The following BRD8 variants were observed in gnomAD, a reference collection of about 807,000 sequenced individuals.
BRD8 encodes the protein bromodomain containing 8.
In BRD8, 67 loss-of-function variants were observed where a neutral mutation model predicts 143.1. The observed-to-expected ratio is 0.47, with a 90% CI of 0.38 to 0.57. The LOEUF (loss-of-function observed/expected upper bound fraction) is 0.57. Among genes scored for constraint, BRD8 ranks in the 20% least tolerant of loss-of-function variants. The pLI is 0.00. For synonymous variants in BRD8, 505 were observed against 517.1 expected, an observed-to-expected ratio of 0.98 and a Z score of 0.32; for missense variants, 1,103 against 1,503.0, an observed-to-expected ratio of 0.73 and a Z score of 4.40.
chr5:138,176,667 T>C (rs995044919), intron 2 of BRD8, among the ~76,000 whole-genome samples: 5 of 152,242 alleles, frequency 3.3e-5, no homozygotes, highest in Non-Finnish European at 7.4e-5. Flanking sequence ...GTAAGGGGTT[T>C]TTCTTAGAAT....
At position 138,177,482 on chromosome 5, in the gene BRD8, T is replaced by A. The variant is rs976066389; in HGVS notation, c.116+89A>T. 35 of 801,374 alleles carry A rather than the reference T, an allele frequency of 4.4e-5. No individual in the cohort carries two copies. The African/African-American group carries it at 5.4e-4, about 12-fold the overall frequency. 49.6% of individuals were successfully genotyped at this position (801,374 alleles called of 1,614,324 possible). ...AAGAAAAGAAAGTCTACTTACAGCT[T>A]AATATGATTAACTATAGAAATCTAC... On this transcript the variant is annotated intron_variant, in intron 2 of 26. Transcript: ENST00000254900.
chr5:138,159,473 G>T lies in BRD8; in HGVS notation c.2577+82C>A, dbSNP rs1259802559. The T allele has an allele frequency of 5.5e-6, 8 of 1,446,934 alleles. No individual in the cohort carries two copies. The Admixed American group carries it at 1.3e-4, about 24-fold the overall frequency. 89.6% of individuals were successfully genotyped at this position (1,446,934 alleles called of 1,614,324 possible). The stretch of plus-strand genomic sequence containing the variant: ...AAGACACTGCCACAGTCTGCATGTT[G>T]GATTTCCCTCTGCCACCCACCCCCA... On this transcript the variant is annotated intron_variant, in intron 20 of 26. Transcript: ENST00000254900.
At chr5:138,152,103 G>A (rs989977575) in intron 21 of BRD8, among the ~76,000 whole-genome samples, 8 of 152,076 alleles carry the variant, frequency 5.3e-5, no homozygotes, top group South Asian at 2.1e-4. Flanking sequence ...TGATCCGCCC[G>A]CCTCGGCCTC....
chr5:138,140,468 C>T (rs958323091), intron 26 of BRD8, among the ~76,000 whole-genome samples: 1 of 152,190 alleles, frequency 6.6e-6, no homozygotes, highest in Non-Finnish European at 1.5e-5. Context: ...ACTTGTCTAT[C>T]CTCAGCTCTC....
rs765082541 is a variant in BRD8 at position 138,161,790 on chromosome 5, G to A, written c.2249+6C>T. 32 of 1,612,600 alleles carry A rather than the reference G, an allele frequency of 2.0e-5. No homozygotes were observed. In the East Asian group the frequency reaches 6.7e-4, roughly 34 times the overall value. On this transcript the variant is annotated splice_donor_region_variant and intron_variant, in intron 17 of 26. Coordinates refer to ENST00000254900, the MANE Select transcript of BRD8 (RefSeq NM_139199.2). Reference sequence around the variant, plus strand: ...AAGTTACCATGCTGGGTGGACCATGGCTCACCTCTGCACAATGCTGTGGTA... The same window carrying A: ...AAGTTACCATGCTGGGTGGACCATGACTCACCTCTGCACAATGCTGTGGTA...
intron 20 of BRD8, among the ~76,000 whole-genome samples, chr5:138,156,202 C>T (rs937017527): frequency 4.0e-5 from 6 of 151,368 alleles, no homozygotes; most frequent in African/African-American, 9.7e-5. Context: ...TGCAGTGACG[C>T]GATCTCAGCT....
intron 20 of BRD8, among the ~76,000 whole-genome samples, chr5:138,155,946 T>G (rs1044806178): frequency 6.6e-6 from 1 of 151,854 alleles, no homozygotes; most frequent in Non-Finnish European, 1.5e-5. Flanking sequence ...CAATTATAGG[T>G]CATTGCCAAC....
intron 26 of BRD8, 59 bp downstream of exon 26, chr5:138,140,646 A>G: frequency 6.5e-7 from 1 of 1,537,604 alleles, no homozygotes; most frequent in South Asian, 1.1e-5. Flanking sequence ...AATCACCTTT[A>G]TTCTCATAGG....
intron 10 of BRD8, 97 bp downstream of exon 10, chr5:138,166,421 G>C: frequency 2.8e-6 from 2 of 722,326 alleles, no homozygotes; most frequent in Admixed American, 2.9e-5. Flanking sequence ...GTAGAACAGA[G>C]AAGAAGCATC....
chr5:138,159,202 TGTTAAAA>T (rs1001171202), intron 20 of BRD8, among the ~76,000 whole-genome samples: 2 of 152,088 alleles, frequency 1.3e-5, no homozygotes, highest in Non-Finnish European at 2.9e-5. Flanking sequence ...TGAGAAACAC[TGTTAAAA>T]AGCCAGCTAG....
At chr5:138,178,226 T>C (rs1481348430) in intron 1 of BRD8, among the ~76,000 whole-genome samples, 2 of 152,162 alleles carry the variant, frequency 1.3e-5, no homozygotes, top group African/African-American at 4.8e-5. Flanking sequence ...CCACTTCCAC[T>C]GCCTCACAAA....
chr5:138,144,302 A>G (rs1336637184), intron 25 of BRD8, among the ~76,000 whole-genome samples: 1 of 152,014 alleles, frequency 6.6e-6, no homozygotes, highest in African/African-American at 2.4e-5. Flanking sequence ...CCACAAACCC[A>G]CCGGGAGGAA....
At chr5:138,152,799 A>G (rs910140277) in intron 20 of BRD8, 39 bp from the exon 21 acceptor site, 6 of 1,584,698 alleles carry the variant, frequency 3.8e-6, no homozygotes, top group Admixed American at 1.8e-5. Flanking sequence ...AATTCATTCA[A>G]ATAAATATTC....
In BRD8 at chr5:138,140,830, T is replaced by C; in HGVS notation, c.3490A>G (p.Thr1164Ala). The C allele has an allele frequency of 6.2e-7, 1 of 1,614,176 alleles. No individual in the cohort carries two copies. Among genetic ancestry groups the C allele is most frequent in the Non-Finnish European group, 8.5e-7 (1 of 1,180,026 alleles). Residue 1164 changes from threonine to alanine, a missense_variant, in exon 26 of 27, where the codon ACC becomes GCC. Coordinates refer to ENST00000254900, the MANE Select transcript of BRD8 (RefSeq NM_139199.2). ...KRNLSKGRIR[T>A]MAQFLRDLML... ...AGGTCTCGCAGGAATTGGGCCATGG[T>C]GCGAATCCGACCCTTAGAGAGATTT...
At chr5:138,164,525 T>A in intron 12 of BRD8, 112 bp from the exon 13 acceptor site, 1 of 1,214,792 alleles carries the variant, frequency 8.2e-7, no homozygotes, top group Admixed American at 2.1e-5. Flanking sequence ...GTCCTACTCA[T>A]GTAATGTGAC....
intron 22 of BRD8, 78 bp downstream of exon 22, chr5:138,150,667 C>T: frequency 6.9e-7 from 1 of 1,450,726 alleles, no homozygotes; most frequent in South Asian, 1.4e-5. Flanking sequence ...CTGGAGTTAG[C>T]CTATGTGCTC....
Position 138,177,427 on chromosome 5 carries a change from A to G in BRD8, c.116+144T>C, listed in dbSNP as rs1009627692. On this transcript the variant is annotated intron_variant, in intron 2 of 26. Coordinates refer to ENST00000254900, the MANE Select transcript of BRD8 (RefSeq NM_139199.2). ...CACTGCACTCCAGCCTGGGCAACAG[A>G]AGGAGACTCAGTCTCAAAAAAAGAA... 45 of 545,336 alleles carry G rather than the reference A, an allele frequency of 8.3e-5. No homozygotes were observed. In the African/African-American group the frequency reaches 8.6e-4, roughly 10 times the overall value. The allele number at this position is 545,336 out of a possible 1,614,324, so 33.8% of individuals were successfully genotyped here. A position where few individuals can be genotyped will look rare whatever the true frequency, so the allele number is the denominator to read the frequency against.
rs1753391592 is a variant in BRD8, at chr5:138,166,043, TG to T, written c.1062del (p.Met355TrpfsTer8). Reference sequence around the variant, plus strand: ...ATCATGGATATTTCACTGCTGTCCATGGAAACAGTCACAGTATGTGGATCCC... The same window carrying T: ...ATCATGGATATTTCACTGCTGTCCATGAAACAGTCACAGTATGTGGATCCC... ...AVGDPHTVTV[S>X]MDSSEISMII... On this transcript the variant is annotated frameshift_variant, in exon 11 of 27. Transcript: ENST00000254900. LOFTEE classifies it high-confidence loss of function. 1 of 1,614,010 alleles carries T rather than the reference TG, an allele frequency of 6.2e-7. No individual in the cohort carries two copies. Among genetic ancestry groups the T allele is most frequent in the African/African-American group, 1.3e-5 (1 of 74,920 alleles).
chr5:138,178,581 T>A lies in BRD8; in HGVS notation c.19+15A>T. On this transcript the variant is annotated intron_variant, in intron 1 of 26. Transcript: ENST00000254900. ...CTACAAAGGCCTTTCACGCAAAACC[T>A]GCTCAGATACTCACTGCCCGTTCCC... 1 of 1,612,880 alleles carries A rather than the reference T, an allele frequency of 6.2e-7. No homozygotes were observed. The highest frequency in any genetic ancestry group is 8.5e-7 in the Non-Finnish European group (1 of 1,178,918).
Sources: gnomAD v4.1 joint callset for allele counts (sites outside exome capture counted in the v4.1 genomes callset) on GRCh38, gnomAD v4.1.1 for gene constraint, MANE v1.5 for transcripts, NCBI Gene and HGNC (gene_info 2026-07-23, HGNC 2026-07-21) for gene names.